CNTN3: variants seen among roughly 807,000 people sequenced by gnomAD.
CNTN3 encodes the protein contactin-3.
Under a neutral mutation model 119.1 loss-of-function variants are expected in CNTN3, and 60 were observed. That is an observed-to-expected ratio of 0.50 (90% CI 0.41 to 0.62). The LOEUF is 0.62. CNTN3 is among the 20% of genes least tolerant of loss of function. CNTN3 has a pLI of 0.00. For missense variants in CNTN3, 1,101 were observed against 1,242.4 expected (o/e 0.89, Z 1.71); for synonymous variants, 450 against 438.7 (o/e 1.03, Z -0.32).
Position 74,486,686 on chromosome 3 carries a change from G to A in CNTN3, c.183-55C>T. 6.5e-6 allele frequency: 9 copies of A among 1,377,086 alleles called. No individual in the cohort carries two copies. In the South Asian group the frequency reaches 1.2e-4, roughly 19 times the overall value. The allele number at this position is 1,377,086 out of a possible 1,614,324, so 85.3% of individuals were successfully genotyped here. ...CTTAGTATTTTTAACTTAAAAGAAG[G>A]CTCTCCATTATAAAATCTACTTTAA... On this transcript the variant is annotated intron_variant, in intron 3 of 22. Coordinates refer to ENST00000263665, the MANE Select transcript of CNTN3 (RefSeq NM_020872.3).
intron 5 of CNTN3, among the ~76,000 whole-genome samples, chr3:74,373,452 C>T (rs1704392924): frequency 6.6e-6 from 1 of 152,176 alleles, no homozygotes; most frequent in Non-Finnish European, 1.5e-5. Context: ...ATCTACTGTT[C>T]TCCAATATAG....
intron 5 of CNTN3, among the ~76,000 whole-genome samples, chr3:74,384,188 A>G (rs945047559): frequency 2.0e-5 from 3 of 152,256 alleles, no homozygotes; most frequent in African/African-American, 7.2e-5. Flanking sequence ...AATAGAAGTT[A>G]TAAGAGCACT....
intron 13 of CNTN3, among the ~76,000 whole-genome samples, chr3:74,324,243 GCT>G (rs1198787136): frequency 6.8e-6 from 1 of 147,332 alleles, no homozygotes; most frequent in Non-Finnish European, 1.5e-5. Context: ...ACAGAGTTTT[GCT>G]CTGTCTTGCA....
intron 5 of CNTN3, among the ~76,000 whole-genome samples, chr3:74,411,215 T>TTA (rs1553656987): frequency 4.6e-5 from 7 of 151,252 alleles, no homozygotes; most frequent in Middle Eastern, 6.8e-3. Flanking sequence ...TTAAAATAGG[T>TTA]AAAAAAAAAG....
chr3:74,357,086 G>C (rs1413667688), intron 11 of CNTN3, among the ~76,000 whole-genome samples: 1 of 151,844 alleles, frequency 6.6e-6, no homozygotes, highest in Non-Finnish European at 1.5e-5. Context: ...ACCATACCCA[G>C]CTAATTATTT....
chr3:74,456,146 A>G (rs1178100388), intron 4 of CNTN3, among the ~76,000 whole-genome samples: 1 of 152,174 alleles, frequency 6.6e-6, no homozygotes, highest in East Asian at 1.9e-4. Context: ...TGCTGCTTGG[A>G]GACTTAGGAA....
intron 1 of CNTN3, among the ~76,000 whole-genome samples, chr3:74,574,339 G>A (rs2106656089): frequency 6.6e-6 from 1 of 152,292 alleles, no homozygotes; most frequent in African/African-American, 2.4e-5. Flanking sequence ...CTTTTAGAGT[G>A]ATGAACATGT....
chr3:74,406,441 G>T (rs944966421), intron 5 of CNTN3, among the ~76,000 whole-genome samples: 2 of 151,826 alleles, frequency 1.3e-5, no homozygotes, highest in African/African-American at 4.8e-5. Context: ...GTGGTAATAT[G>T]ATTTTACCTT....
Position 74,436,087 on chromosome 3 carries a change from T to C in CNTN3, c.359-11147A>G, listed in dbSNP as rs557623380. On this transcript the variant is annotated intron_variant, in intron 4 of 22. Transcript: ENST00000263665. The stretch of plus-strand genomic sequence containing the variant: ...ACAGATGTGTATGCATATACATGTG[T>C]ACATGAAGTTTATGCCTAGGTTCAG... 6.6e-5 allele frequency among the ~76,000 whole-genome samples: 10 copies of C among 152,348 alleles called. No individual in the cohort carries two copies. The South Asian group carries it at 2.1e-3, about 32-fold the overall frequency.
In CNTN3 at chr3:74,365,708, A is replaced by G. The variant is rs748102720; in HGVS notation, c.947-6T>C. 3.8e-5 allele frequency: 61 copies of G among 1,594,058 alleles called. No individual in the cohort carries two copies. The Admixed American group carries it at 7.3e-4, about 19-fold the overall frequency. On this transcript the variant is annotated splice_region_variant and splice_polypyrimidine_tract_variant and intron_variant, in intron 8 of 22. Transcript: ENST00000263665. Reference sequence around the variant, plus strand: ...TTGAACCCAATGGGGCTTTGCTTCAATGAAAGAAAAGGAAAAAGAAAAGAA... The same window carrying G: ...TTGAACCCAATGGGGCTTTGCTTCAGTGAAAGAAAAGGAAAAAGAAAAGAA...
chr3:74,414,456 T>G (rs545168319), intron 5 of CNTN3, among the ~76,000 whole-genome samples: 49 of 152,300 alleles, frequency 3.2e-4, no homozygotes, highest in African/African-American at 1.2e-3. Flanking sequence ...GCATTTACAT[T>G]TGTATGACTT....
intron 1 of CNTN3, among the ~76,000 whole-genome samples, chr3:74,544,244 TTATGA>T (rs1243141210): frequency 1.3e-5 from 2 of 152,178 alleles, no homozygotes; most frequent in African/African-American, 4.8e-5. Flanking sequence ...ACTTAAAACC[TTATGA>T]TATAACAATG....
At chr3:74,431,400 T>C (rs928796807) in intron 4 of CNTN3, among the ~76,000 whole-genome samples, 2 of 152,138 alleles carry the variant, frequency 1.3e-5, no homozygotes, top group African/African-American at 2.4e-5. Context: ...TGCAGGGGTA[T>C]AGTGCACAAG....
At chr3:74,511,243 T>C (rs1031679994) in intron 2 of CNTN3, among the ~76,000 whole-genome samples, 2 of 152,160 alleles carry the variant, frequency 1.3e-5, no homozygotes, top group Admixed American at 6.6e-5. Context: ...CAGTTCCATA[T>C]TGACAGAGCA....
chr3:74,493,759 AGAAT>A (rs909363813), intron 3 of CNTN3, among the ~76,000 whole-genome samples: 1 of 152,236 alleles, frequency 6.6e-6, no homozygotes, highest in Non-Finnish European at 1.5e-5. Context: ...AGCCTTCGAA[AGAAT>A]GAATGTCTGA....
chr3:74,581,383 G>A (rs1011297406), intron 1 of CNTN3, among the ~76,000 whole-genome samples: 4 of 152,020 alleles, frequency 2.6e-5, no homozygotes, highest in African/African-American at 9.7e-5. Context: ...ACTTGCATTA[G>A]CATATAAAAA....
chr3:74,287,771 G>A (rs1702142444), intron 19 of CNTN3, among the ~76,000 whole-genome samples: 2 of 152,062 alleles, frequency 1.3e-5, no homozygotes, highest in African/African-American at 4.8e-5. Context: ...GAGAGGCTGG[G>A]ATATTTATTA....
At chr3:74,586,189 G>A (rs1320312265) in intron 1 of CNTN3, among the ~76,000 whole-genome samples, 1 of 152,104 alleles carries the variant, frequency 6.6e-6, no homozygotes, top group Non-Finnish European at 1.5e-5. Flanking sequence ...TTTTTCTACA[G>A]AGATTCCAAA....
At chr3:74,452,519 C>T (rs1302237679) in intron 4 of CNTN3, among the ~76,000 whole-genome samples, 10 of 145,612 alleles carry the variant, frequency 6.9e-5, no homozygotes, top group African/African-American at 2.6e-4. Context: ...CCTTCTCCTG[C>T]CTAATTGCCC....
Sources: allele counts gnomAD v4.1 joint callset (sites outside exome capture counted in the v4.1 genomes callset), GRCh38; gene constraint gnomAD v4.1.1; transcripts MANE v1.5; gene names NCBI Gene and HGNC (gene_info 2026-07-23, HGNC 2026-07-21).